Variants in AVEN observed in about 807,000 individuals in gnomAD.
AVEN encodes cell death regulator Aven.
Under a neutral mutation model 38.1 loss-of-function variants are expected in AVEN, and 41 were observed. The observed-to-expected ratio is 1.08, with a 90% CI of 0.84 to 1.40. The LOEUF is 1.40. AVEN is among the 40% of genes most tolerant of loss of function. The probability of loss-of-function intolerance (pLI) is 0.00; values close to 1 mark genes in which losing one functional copy is unlikely to be tolerated. For synonymous variants in AVEN, 206 were observed against 171.8 expected, an observed-to-expected ratio of 1.20 and a Z score of -1.56; for missense variants, 605 against 438.8, an observed-to-expected ratio of 1.38 and a Z score of -3.38.
In AVEN at chr15:33,934,732, C is replaced by T. The variant is rs559061031; in HGVS notation, c.446-58737G>A. 1.2e-4 allele frequency among the ~76,000 whole-genome samples: 19 copies of T among 152,316 alleles called. No homozygotes were observed. In the South Asian group the frequency reaches 2.3e-3, roughly 18 times the overall value. On this transcript the variant is annotated intron_variant, in intron 2 of 5. Coordinates refer to ENST00000306730, the MANE Select transcript of AVEN (RefSeq NM_020371.3). ...GTATTTACCTTGTATCCTGGTTACG[C>T]TCTCTCAGAATGGAAGTAACTTAGT...
chr15:33,884,591 C>T (rs1891626116), intron 2 of AVEN, among the ~76,000 whole-genome samples: 1 of 152,136 alleles, frequency 6.6e-6, no homozygotes, highest in Admixed American at 6.6e-5. Flanking sequence ...TAGAACTCCT[C>T]AGTACTAATA....
At chr15:33,853,002 A>G in the AVEN span, 1 of 1,541,346 alleles carries the variant, frequency 6.5e-7, no homozygotes, top group Non-Finnish European at 8.9e-7. Context: ...GTTTTCCTTG[A>G]TGTTAAGAAT....
rs1381411256 is a variant in AVEN at position 34,073,986 on chromosome 15, C to CTTTTTTTT, written n.720+449_720+450insAAAAAAAA. On this transcript the variant is annotated intron_variant and non_coding_transcript_variant, in intron 1 of 11. Coordinates refer to the AVEN transcript ENST00000675287. ...TGGAGGAACTTTCTTTTTTCTTCTT[C>CTTTTTTTT]TTCTTTTTTTTTTTTTTTTTTTTTT... Among the ~76,000 whole-genome samples, 69 of 112,184 alleles carry CTTTTTTTT rather than the reference C, an allele frequency of 6.2e-4. 15 individuals carry two copies. The highest frequency in any genetic ancestry group is 2.7e-3 in the African/African-American group (65 of 24,266). 73.6% of individuals were successfully genotyped at this position (112,184 alleles called of 152,430 possible).
intron 2 of AVEN, among the ~76,000 whole-genome samples, chr15:33,878,411 C>T (rs962817428): frequency 1.3e-5 from 2 of 152,118 alleles, no homozygotes; most frequent in Non-Finnish European, 2.9e-5. Flanking sequence ...GTGCAGAAAT[C>T]ACTTTAACAG....
chr15:33,864,524 A>G (rs1889762276), downstream of AVEN, among the ~76,000 whole-genome samples: 1 of 152,200 alleles, frequency 6.6e-6, no homozygotes, highest in African/African-American at 2.4e-5. Flanking sequence ...TCAGAGTACA[A>G]CGGAGTGAGA....
chr15:34,032,284 C>T (rs763499660), intron 1 of AVEN, among the ~76,000 whole-genome samples: 6 of 152,114 alleles, frequency 3.9e-5, no homozygotes, highest in Admixed American at 2.0e-4. Context: ...AAATGACCTA[C>T]GTAACCTCTC....
downstream of AVEN, chr15:33,855,059 T>C (rs148085778): frequency 7.9e-6 from 6 of 762,558 alleles, no homozygotes; most frequent in South Asian, 1.9e-4. Flanking sequence ...CTAATGGTGA[T>C]TGTTTTTGCA....
At chr15:33,855,717 C>T (rs2079583832), downstream of AVEN, among the ~76,000 whole-genome samples, 1 of 152,084 alleles carries the variant, frequency 6.6e-6, no homozygotes, top group Non-Finnish European at 1.5e-5. Flanking sequence ...ACATAGTACA[C>T]ATTTTATGTG....
At chr15:33,935,514 G>GTA (rs931286042) in intron 2 of AVEN, among the ~76,000 whole-genome samples, 3 of 151,868 alleles carry the variant, frequency 2.0e-5, no homozygotes, top group Non-Finnish European at 2.9e-5. Flanking sequence ...ATGTGTGTGA[G>GTA]TATATATATG....
chr15:33,946,609 A>G (rs1443171655), intron 2 of AVEN, among the ~76,000 whole-genome samples: 1 of 152,106 alleles, frequency 6.6e-6, no homozygotes, highest in Non-Finnish European at 1.5e-5. Flanking sequence ...ATGGCGCAAG[A>G]GGAAGCAGGC....
downstream of AVEN, chr15:33,865,332 G>T: frequency 1.3e-6 from 1 of 781,802 alleles, no homozygotes; most frequent in Non-Finnish European, 2.0e-6. Context: ...TTTTCTAAAT[G>T]CCTCCCTTAA....
At chr15:34,002,016 C>T (rs1385855024) in intron 2 of AVEN, among the ~76,000 whole-genome samples, 1 of 152,188 alleles carries the variant, frequency 6.6e-6, no homozygotes, top group Non-Finnish European at 1.5e-5. Context: ...ATTGCAGATT[C>T]ACACACAGTT....
At chr15:33,976,501 T>C (rs914472198) in intron 2 of AVEN, among the ~76,000 whole-genome samples, 3 of 152,184 alleles carry the variant, frequency 2.0e-5, no homozygotes, top group African/African-American at 4.8e-5. Flanking sequence ...CCGCATCAGA[T>C]TTTTTATGGC....
chr15:33,995,442 T>C (rs1656537519), intron 2 of AVEN, among the ~76,000 whole-genome samples: 1 of 152,230 alleles, frequency 6.6e-6, no homozygotes. Flanking sequence ...GCATAGGTTA[T>C]ATGCAAATAT....
intron 2 of AVEN, among the ~76,000 whole-genome samples, chr15:33,987,653 G>C (rs1420093239): frequency 6.6e-6 from 1 of 152,114 alleles, no homozygotes; most frequent in Non-Finnish European, 1.5e-5. Context: ...CAGCTGCTTG[G>C]TCCACCTGCA....
At chr15:34,070,215 G>A (rs1045110078) in intron 2 of AVEN, among the ~76,000 whole-genome samples, 3 of 152,022 alleles carry the variant, frequency 2.0e-5, no homozygotes, top group South Asian at 4.2e-4. Context: ...GGGGGAAACC[G>A]CCTCCAGGCT....
intron 2 of AVEN, among the ~76,000 whole-genome samples, chr15:33,968,272 C>G (rs1597286305): frequency 6.6e-6 from 1 of 152,040 alleles, no homozygotes; most frequent in East Asian, 1.9e-4. Flanking sequence ...GCCCATTCTA[C>G]CTGATCACAC....
chr15:34,035,023 T>C (rs899368301), intron 1 of AVEN, among the ~76,000 whole-genome samples: 2 of 152,232 alleles, frequency 1.3e-5, no homozygotes, highest in Admixed American at 1.3e-4. Context: ...GACACCTGCC[T>C]GTAACTGATC....
intron 5 of AVEN, chr15:34,062,502 C>A: frequency 2.1e-6 from 1 of 484,262 alleles, no homozygotes; most frequent in Non-Finnish European, 3.5e-6. Context: ...TTGTAGAGAG[C>A]TGAGATCGCA....
Sources: gnomAD v4.1 joint callset for allele counts (sites outside exome capture counted in the v4.1 genomes callset) on GRCh38, gnomAD v4.1.1 for gene constraint, MANE v1.5 for transcripts, NCBI Gene and HGNC (gene_info 2026-07-23, HGNC 2026-07-21) for gene names.